PCK2: variants seen among roughly 807,000 people sequenced by gnomAD.
PCK2 encodes the protein phosphoenolpyruvate carboxykinase 2, mitochondrial.
In PCK2, 56 loss-of-function variants were observed where a neutral mutation model predicts 65.9. That is an observed-to-expected ratio of 0.85 (90% confidence interval 0.69 to 1.06). PCK2 has a LOEUF of 1.06. Among genes scored for constraint, PCK2 ranks in the 50% least tolerant of loss-of-function variants. PCK2 has a pLI of 0.00. For synonymous variants in PCK2, 305 were observed against 319.6 expected, an observed-to-expected ratio of 0.95 and a Z score of 0.49; for missense variants, 843 against 863.1, an observed-to-expected ratio of 0.98 and a Z score of 0.29.
intron 7 of PCK2, among the ~76,000 whole-genome samples, chr14:24,101,247 C>G (rs914195367): frequency 1.3e-5 from 2 of 152,250 alleles, no homozygotes; most frequent in Non-Finnish European, 2.9e-5. Flanking sequence ...TCCCCAGCTT[C>G]AATTCCCAGA....
chr14:24,099,634 A>G lies in PCK2; in HGVS notation c.929A>G (p.Asn310Ser). The change falls in exon 6 of 10, where the codon AAC becomes AGC. Residue 310 changes from asparagine (N) to serine (S), a missense_variant. Asn to Ser is a conservative substitution (Grantham distance 46). Coordinates refer to ENST00000216780, the MANE Select transcript of PCK2 (RefSeq NM_004563.4). ...TTCCCTAGTGCCTGTGGCAAGACCA[A>G]CCTGGCTATGATGCGGCCTGCACTG... ...AAFPSACGKT[N>S]LAMMRPALPG... 3 of 1,613,878 alleles carry G rather than the reference A, an allele frequency of 1.9e-6. No homozygotes were observed. The South Asian group carries it at 3.3e-5, about 18-fold the overall frequency.
intron 7 of PCK2, 54 bp from the exon 8 acceptor site, chr14:24,102,699 T>C: frequency 6.6e-7 from 1 of 1,514,320 alleles, no homozygotes; most frequent in Non-Finnish European, 9.1e-7. Flanking sequence ...TGTATGTGTG[T>C]GTTGGGGGTC....
intron 5 of PCK2, 141 bp from the exon 6 acceptor site, chr14:24,099,417 C>A: frequency 9.8e-7 from 1 of 1,020,168 alleles, no homozygotes; most frequent in Non-Finnish European, 1.4e-6. Flanking sequence ...TGCCACTAAC[C>A]CAGGCCTGAT....
chr14:24,100,165 C>G lies in PCK2; in HGVS notation c.1186C>G (p.Pro396Ala). Residue 396 changes from proline to alanine, a missense_variant, in exon 7 of 10, where the codon CCA becomes GCA. Coordinates refer to ENST00000216780, the MANE Select transcript of PCK2 (RefSeq NM_004563.4). ...CTGGGAGGGCATTGACCAGCCTCTT[C>G]CACCTGGTGTTACTGTGACCTCCTG... The part of the protein sequence containing the change: ...VYWEGIDQPL[P>A]PGVTVTSWLG... 1 of 1,614,082 alleles carries G rather than the reference C, an allele frequency of 6.2e-7. No homozygotes were observed. The highest frequency in any genetic ancestry group is 8.5e-7 in the Non-Finnish European group (1 of 1,179,972).
In PCK2 at chr14:24,097,247, G is replaced by C. The variant is rs1051684077; in HGVS notation, c.275+110G>C. ...ATCCCAATGGAATGAACAAGAATGA[G>C]AGCTTTGGGGTAAACAGACCCAGAA... On this transcript the variant is annotated intron_variant, in intron 2 of 9. Coordinates refer to ENST00000216780, the MANE Select transcript of PCK2 (RefSeq NM_004563.4). The C allele has an allele frequency of 5.8e-6, 6 of 1,031,872 alleles. No homozygotes were observed. In the African/African-American group the frequency reaches 8.0e-5, roughly 14 times the overall value. The allele number at this position is 1,031,872 out of a possible 1,614,324, so 63.9% of individuals were successfully genotyped here.
At chr14:24,103,487 T>C (rs774827137) in intron 9 of PCK2, 23 bp from the exon 10 acceptor site, 1 of 1,530,660 alleles carries the variant, frequency 6.5e-7, no homozygotes, top group Non-Finnish European at 8.8e-7. Flanking sequence ...GAAGATTCCT[T>C]ACCCATCTTG....
At chr14:24,095,388 GCCCTCCT>G (rs1381544910) in intron 1 of PCK2, 11 of 379,454 alleles carry the variant, frequency 2.9e-5, no homozygotes, top group Non-Finnish European at 2.1e-5. Context: ...GGTCCCAGTA[GCCCTCCT>G]CCCCTGCCCC....
chr14:24,099,692 T>C lies in PCK2; in HGVS notation c.987T>C (p.Asp329=), dbSNP rs2037076044. The C allele has an allele frequency of 6.2e-7, 1 of 1,613,624 alleles. No homozygotes were observed. Among genetic ancestry groups the C allele is most frequent in the Non-Finnish European group, 8.5e-7 (1 of 1,179,702 alleles). ...PGWKVECVGD[D]IAWMRFDSEG... ...GGAAAGTGGAGTGTGTGGGGGATGA[T>C]ATTGCTTGGATGAGGTTTGACAGTG... The change falls in exon 6 of 10, where the codon GAT becomes GAC. Residue 329 remains aspartate (D), a synonymous_variant. Transcript: ENST00000216780.
Position 24,099,043 on chromosome 14 carries a change from C to A in PCK2, c.665-6C>A, listed in dbSNP as rs374312632. 7 of 1,595,814 alleles carry A rather than the reference C, an allele frequency of 4.4e-6. No individual in the cohort carries two copies. In the African/African-American group the frequency reaches 9.4e-5, roughly 21 times the overall value. On this transcript the variant is annotated splice_region_variant and splice_polypyrimidine_tract_variant and intron_variant, in intron 4 of 9. Transcript: ENST00000216780. ...GCCAGCAGCCCCATGACCCCATTGTCCCCAGGGGAGCCAGTGAGCCAGTGG... is the reference window on the plus strand; with the variant it reads ...GCCAGCAGCCCCATGACCCCATTGTACCCAGGGGAGCCAGTGAGCCAGTGG...
At position 24,100,232 on chromosome 14, in the gene PCK2, G is replaced by C. The variant is rs1330203150; in HGVS notation, c.1234+19G>C. 1.9e-6 allele frequency: 3 copies of C among 1,613,536 alleles called. No homozygotes were observed. The highest frequency in any genetic ancestry group is 2.7e-5 in the African/African-American group (2 of 74,906). On this transcript the variant is annotated intron_variant, in intron 7 of 9. Transcript: ENST00000216780. ...AAACCTGGTATGTGCGGTGGGGAAG[G>C]TGTGGCACAGCCTCCAGGCCTCAGC...
chr14:24,095,014 C>A, intron 1 of PCK2: 1 of 466,014 alleles, frequency 2.1e-6, no homozygotes, highest in Admixed American at 2.5e-5. Flanking sequence ...GGGAGGAGGG[C>A]GCCAAGTTGC....
chr14:24,098,298 C>T lies in PCK2; in HGVS notation c.371C>T (p.Pro124Leu). Residue 124 changes from proline (P) to leucine (L), a missense_variant, in exon 3 of 10, where the codon CCT becomes CTT. By Grantham distance (98) the Pro-to-Leu change is moderately conservative. Coordinates refer to ENST00000216780, the MANE Select transcript of PCK2 (RefSeq NM_004563.4). ...CAGCGGGACACGGTACCACTCCCGC[C>T]TGGTGGGGCCCGTGGGCAGCTGGGC... is the stretch of plus-strand genomic sequence containing the variant. ...PSQRDTVPLP[P>L]GGARGQLGNW... 6.2e-7 allele frequency: 1 copy of T among 1,614,090 alleles called. No homozygotes were observed.
chr14:24,097,225 C>A, intron 2 of PCK2, 88 bp downstream of exon 2: 1 of 1,209,324 alleles, frequency 8.3e-7, no homozygotes, highest in Non-Finnish European at 1.2e-6. Context: ...CTAGAACATC[C>A]CAATGGAATG....
At chr14:24,102,721 G>T in intron 7 of PCK2, 32 bp from the exon 8 acceptor site, 7 of 1,597,448 alleles carry the variant, frequency 4.4e-6, no homozygotes, top group Non-Finnish European at 6.0e-6. Flanking sequence ...ACATGACCTT[G>T]GAAATAATAG....
Position 24,099,051 on chromosome 14 carries a change from G to A in PCK2, c.667G>A (p.Glu223Lys), listed in dbSNP as rs747648609. Reference protein sequence around the residue: ...SVGQPLTGQGEPVSQWPCNPE... With the variant: ...SVGQPLTGQGKPVSQWPCNPE... ...CCCCATGACCCCATTGTCCCCAGGGGAGCCAGTGAGCCAGTGGCCGTGCAA... is the reference window on the plus strand; with the variant it reads ...CCCCATGACCCCATTGTCCCCAGGGAAGCCAGTGAGCCAGTGGCCGTGCAA... Residue 223 changes from glutamate to lysine, a missense_variant and splice_region_variant, in exon 5 of 10, where the codon GAG becomes AAG. Glu to Lys is a moderately conservative substitution (Grantham distance 56). Coordinates refer to ENST00000216780, the MANE Select transcript of PCK2 (RefSeq NM_004563.4). The A allele has an allele frequency of 2.5e-6, 4 of 1,598,878 alleles. 1 individual carries two copies. In the South Asian group the frequency reaches 3.3e-5, roughly 13 times the overall value.
chr14:24,099,972 C>T lies in PCK2; in HGVS notation c.1016-23C>T, dbSNP rs549863886. On this transcript the variant is annotated intron_variant, in intron 6 of 9. Transcript: ENST00000216780. ...TCAAGTTTTCCTTGTTTGGTCCTTCCTTTCTTTCACTTCTCCTAACAGGTC... is the reference window on the plus strand; with the variant it reads ...TCAAGTTTTCCTTGTTTGGTCCTTCTTTTCTTTCACTTCTCCTAACAGGTC... 1.2e-5 allele frequency: 19 copies of T among 1,614,160 alleles called. No homozygotes were observed. The East Asian group carries it at 3.8e-4, about 32-fold the overall frequency.
At chr14:24,098,444 C>G in intron 3 of PCK2, 31 bp from the exon 4 acceptor site, 2 of 1,613,590 alleles carry the variant, frequency 1.2e-6, no homozygotes, top group Non-Finnish European at 1.7e-6. Flanking sequence ...AGGTTTGGAA[C>G]CCTTCATCCA....
intron 6 of PCK2, 113 bp from the exon 7 acceptor site, chr14:24,099,882 C>T (rs745893663): frequency 3.8e-6 from 6 of 1,590,690 alleles, no homozygotes; most frequent in Non-Finnish European, 5.2e-6. Flanking sequence ...AGCCTTTCCT[C>T]ATCAGATCTT....
rs1367302506 is a variant in PCK2 at position 24,099,074 on chromosome 14, C to T, written c.690C>T (p.Cys230=). 1.2e-6 allele frequency: 2 copies of T among 1,606,074 alleles called. No individual in the cohort carries two copies. Among genetic ancestry groups the T allele is most frequent in the Non-Finnish European group, 8.5e-7 (1 of 1,174,274 alleles). Residue 230 remains cysteine (C), a synonymous_variant, in exon 5 of 10, where the codon TGC becomes TGT. Transcript: ENST00000216780. ...GQGEPVSQWP[C]NPEKTLIGHV... Reference sequence around the variant, plus strand: ...GGGAGCCAGTGAGCCAGTGGCCGTGCAACCCAGAGAAAACCCTGATTGGCC... The same window carrying T: ...GGGAGCCAGTGAGCCAGTGGCCGTGTAACCCAGAGAAAACCCTGATTGGCC...
Sources: gnomAD v4.1 joint callset for allele counts (sites outside exome capture counted in the v4.1 genomes callset) on GRCh38, gnomAD v4.1.1 for gene constraint, MANE v1.5 for transcripts, NCBI Gene and HGNC (gene_info 2026-07-23, HGNC 2026-07-21) for gene names.